Variants in GPR158 observed in about 807,000 individuals in gnomAD.
GPR158 encodes the protein metabotropic glycine receptor.
GPR158 carries 30 observed loss-of-function variants against 78.2 expected under a neutral mutation model. The observed-to-expected ratio is 0.38, with a 90% CI of 0.29 to 0.52. The LOEUF is 0.52. Ranked by LOEUF, GPR158 falls within the 20% of genes least tolerant of loss-of-function variation. GPR158 has a pLI of 0.83. For missense variants in GPR158, 1,463 were observed against 1,523.5 expected (o/e 0.96, Z 0.66); for synonymous variants, 581 against 591.1 (o/e 0.98, Z 0.25).
intron 3 of GPR158, among the ~76,000 whole-genome samples, chr10:25,404,427 CCAA>C (rs1236380541): frequency 1.3e-5 from 2 of 152,050 alleles, no homozygotes; most frequent in Admixed American, 6.6e-5. Flanking sequence ...AATTTATTTT[CCAA>C]CAAGTTGCCT....
At chr10:25,382,113 TG>T in intron 2 of GPR158, among the ~76,000 whole-genome samples, 1 of 152,322 alleles carries the variant, frequency 6.6e-6, no homozygotes, top group African/African-American at 2.4e-5. Context: ...ATAGTGAGTT[TG>T]TGATTTAGTG....
chr10:25,496,858 G>A (rs985848575), intron 5 of GPR158, among the ~76,000 whole-genome samples: 5 of 152,208 alleles, frequency 3.3e-5, no homozygotes, highest in Non-Finnish European at 7.3e-5. Flanking sequence ...ATTACTAGCA[G>A]TGAGGAACAG....
intron 5 of GPR158, among the ~76,000 whole-genome samples, chr10:25,490,636 G>A (rs969802721): frequency 6.7e-6 from 1 of 149,914 alleles, no homozygotes; most frequent in African/African-American, 2.5e-5. Context: ...CCTTTTTTAT[G>A]GCTGCATAGT....
chr10:25,195,217 T>C (rs549763528), intron 1 of GPR158, among the ~76,000 whole-genome samples: 146 of 151,856 alleles, frequency 9.6e-4, no homozygotes, highest in South Asian at 6.4e-3. Context: ...TTCTTTCTTT[T>C]TTTTTTGAGA....
chr10:25,284,881 T>A (rs952768924), intron 2 of GPR158, among the ~76,000 whole-genome samples: 8 of 152,296 alleles, frequency 5.3e-5, no homozygotes, highest in African/African-American at 1.9e-4. Flanking sequence ...AAATACTTTA[T>A]AGCATTTTTT....
intron 5 of GPR158, among the ~76,000 whole-genome samples, chr10:25,547,653 C>G (rs1365541669): frequency 2.0e-5 from 3 of 152,140 alleles, no homozygotes; most frequent in Non-Finnish European, 2.9e-5. Context: ...CCCCACACAG[C>G]AGAGCCAGTT....
chr10:25,592,989 G>C (rs1367047501), intron 8 of GPR158, among the ~76,000 whole-genome samples: 1 of 150,582 alleles, frequency 6.6e-6, no homozygotes, highest in Non-Finnish European at 1.5e-5. Flanking sequence ...AACTGGTTCA[G>C]TTTTGCAGTC....
intron 6 of GPR158, among the ~76,000 whole-genome samples, chr10:25,554,589 G>A (rs1319558120): frequency 2.6e-5 from 4 of 152,202 alleles, no homozygotes; most frequent in African/African-American, 4.8e-5. Flanking sequence ...GGATGAGAAC[G>A]TAAAGGTTTT....
chr10:25,336,441 G>GT (rs1236839260), intron 2 of GPR158, among the ~76,000 whole-genome samples: 2 of 151,978 alleles, frequency 1.3e-5, no homozygotes, highest in African/African-American at 4.8e-5. Flanking sequence ...GCTGTTACTT[G>GT]TTAACAGAAT....
intron 2 of GPR158, among the ~76,000 whole-genome samples, chr10:25,326,709 C>T (rs968935802): frequency 3.3e-5 from 5 of 152,040 alleles, no homozygotes; most frequent in South Asian, 4.1e-4. Flanking sequence ...TTAATAATAA[C>T]GTGTTGTATA....
chr10:25,597,882 T>A lies in GPR158; in HGVS notation c.2256T>A (p.Arg752=), dbSNP rs768159120. The A allele has an allele frequency of 1.6e-5, 25 of 1,602,332 alleles. No individual in the cohort carries two copies. Among genetic ancestry groups the A allele is most frequent in the Non-Finnish European group, 2.1e-5 (25 of 1,175,142 alleles). The change falls in exon 11 of 11, where the codon CGT becomes CGA. Residue 752 remains arginine, a synonymous_variant. Coordinates refer to ENST00000376351, the MANE Select transcript of GPR158 (RefSeq NM_020752.3). ...KKRCSKKGLG[R]SIMRRITEIP... ...GGTGCTCGAAGAAGGGCCTAGGTCGTTCCATCATGAGACGCATTACGGAGA... is the reference window on the plus strand; with the variant it reads ...GGTGCTCGAAGAAGGGCCTAGGTCGATCCATCATGAGACGCATTACGGAGA...
At chr10:25,253,070 C>T (rs1479522480) in intron 2 of GPR158, among the ~76,000 whole-genome samples, 6 of 152,096 alleles carry the variant, frequency 3.9e-5, no homozygotes, top group Admixed American at 1.3e-4. Flanking sequence ...GGGAGTGACC[C>T]GATTTTCCAG....
At chr10:25,533,501 T>C (rs1217801816) in intron 5 of GPR158, among the ~76,000 whole-genome samples, 3 of 152,216 alleles carry the variant, frequency 2.0e-5, no homozygotes, top group African/African-American at 4.8e-5. Flanking sequence ...GTATCTTCTC[T>C]CTCAGTAGTT....
At chr10:25,495,870 C>T (rs1443981126) in intron 5 of GPR158, among the ~76,000 whole-genome samples, 1 of 151,894 alleles carries the variant, frequency 6.6e-6, no homozygotes, top group Non-Finnish European at 1.5e-5. Flanking sequence ...ATATCATTTC[C>T]TTTAGAGCAG....
chr10:25,458,532 T>C (rs1249285580), intron 4 of GPR158, among the ~76,000 whole-genome samples: 1 of 152,226 alleles, frequency 6.6e-6, no homozygotes, highest in Non-Finnish European at 1.5e-5. Flanking sequence ...TTCACTTCTC[T>C]GCTGACTTCA....
At chr10:25,302,173 G>A (rs1350003525) in intron 2 of GPR158, among the ~76,000 whole-genome samples, 4 of 146,174 alleles carry the variant, frequency 2.7e-5, no homozygotes, top group East Asian at 2.0e-4. Flanking sequence ...CCAGGTTCAC[G>A]CCGTTCTCCT....
intron 2 of GPR158, among the ~76,000 whole-genome samples, chr10:25,394,694 A>T (rs1834345743): frequency 6.6e-6 from 1 of 152,200 alleles, no homozygotes; most frequent in South Asian, 2.1e-4. Flanking sequence ...AAATTAAAAT[A>T]TTCAAGAAGG....
intron 2 of GPR158, among the ~76,000 whole-genome samples, chr10:25,221,884 A>G (rs752854942): frequency 6.6e-6 from 1 of 152,236 alleles, no homozygotes; most frequent in Non-Finnish European, 1.5e-5. Context: ...GGGCTAGTCC[A>G]ACATTGATTC....
At chr10:25,291,951 C>T (rs1322921360) in intron 2 of GPR158, among the ~76,000 whole-genome samples, 1 of 151,998 alleles carries the variant, frequency 6.6e-6, no homozygotes, top group African/African-American at 2.4e-5. Flanking sequence ...GAAGAATTCT[C>T]AAATACTGGG....
Sources: gnomAD v4.1 joint callset for allele counts (sites outside exome capture counted in the v4.1 genomes callset) on GRCh38, gnomAD v4.1.1 for gene constraint, MANE v1.5 for transcripts, NCBI Gene and HGNC (gene_info 2026-07-23, HGNC 2026-07-21) for gene names.